The following TCAF1 variants were observed in gnomAD, a reference collection of about 807,000 sequenced individuals.
The protein encoded by TCAF1 is TRPM8 channel associated factor 1, also known as TRPM8 channel-associated factor 1.
A neutral mutation model predicts 27.3 loss-of-function variants in TCAF1; 4 were observed. That is an observed-to-expected ratio of 0.15 (90% confidence interval 0.07 to 0.34). TCAF1 has a LOEUF of 0.34. Among genes scored for constraint, TCAF1 ranks in the 10% least tolerant of loss-of-function variants. The probability of loss-of-function intolerance (pLI) is 1.00; values close to 1 mark genes in which losing one functional copy is unlikely to be tolerated. For synonymous variants in TCAF1, 105 were observed against 167.1 expected (o/e 0.63, Z 2.87); for missense variants, 257 against 425.8 (o/e 0.60, Z 3.49).
chr7:143,859,967 T>TA lies in TCAF1; in HGVS notation c.2167+240_2167+241insT, dbSNP rs1563211696. ...TATAATATATATTACGGAATATATA[T>TA]TATATAATATATATTATATAATATA... On this transcript the variant is annotated intron_variant, in intron 6 of 8. Coordinates refer to ENST00000479870, the MANE Select transcript of TCAF1 (RefSeq NM_014719.3). 4.9e-3 allele frequency among the ~76,000 whole-genome samples: 238 copies of TA among 48,278 alleles called. 37 individuals carry two copies. The highest frequency in any genetic ancestry group is 0.012 in the South Asian group (11 of 924). The allele number at this position is 48,278 out of a possible 152,430, so 31.7% of individuals were successfully genotyped here.
chr7:143,860,017 ATAT>A (rs1811911685), intron 6 of TCAF1, among the ~76,000 whole-genome samples, 188 bp downstream of exon 6: 2 of 62,614 alleles, frequency 3.2e-5, no homozygotes, highest in African/African-American at 1.3e-4. Flanking sequence ...TATATAATAT[ATAT>A]TATATATTAT....
chr7:143,886,624 G>C (rs13228223), intron 1 of TCAF1: 233,280 of 617,304 alleles, frequency 0.38, 43,756 homozygotes, highest in African/African-American at 0.56. Context: ...GAAAATGGAT[G>C]AAATTACACA....
At chr7:143,892,490 CAA>C (rs1253934740) in intron 1 of TCAF1, among the ~76,000 whole-genome samples, 1 of 146,202 alleles carries the variant, frequency 6.8e-6, no homozygotes, top group Non-Finnish European at 1.5e-5. Context: ...AGAAATGGAA[CAA>C]AGAGAAAACT....
chr7:143,896,044 T>C (rs941827912), intron 1 of TCAF1, among the ~76,000 whole-genome samples: 2 of 151,738 alleles, frequency 1.3e-5, no homozygotes, highest in African/African-American at 4.8e-5. Context: ...ACAATAAATA[T>C]ACACAGATTA....
chr7:143,885,456 C>G, intron 1 of TCAF1: 1 of 985,420 alleles, frequency 1.0e-6, no homozygotes, highest in South Asian at 4.7e-5. Context: ...AGAGGCCCGG[C>G]TTTGTGTCAG....
rs1229647547 is a variant in TCAF1 at position 143,859,891 on chromosome 7, T to C, written c.2167+317A>G. Reference sequence around the variant, plus strand: ...CATATACATATATACATATATATAATATATATTATATAATATATATTACGG... The same window carrying C: ...CATATACATATATACATATATATAACATATATTATATAATATATATTACGG... On this transcript the variant is annotated intron_variant, in intron 6 of 8. Coordinates refer to ENST00000479870, the MANE Select transcript of TCAF1 (RefSeq NM_014719.3). 4.0e-4 allele frequency among the ~76,000 whole-genome samples: 33 copies of C among 81,614 alleles called. 2 individuals are homozygous for C. The highest frequency in any genetic ancestry group is 1.4e-3 in the African/African-American group (30 of 21,804). The allele number at this position is 81,614 out of a possible 152,430, so 53.5% of individuals were successfully genotyped here. A position where few individuals can be genotyped will look rare whatever the true frequency, so the allele number is the denominator to read the frequency against.
intron 1 of TCAF1, among the ~76,000 whole-genome samples, chr7:143,880,396 C>T (rs1262404620): frequency 1.3e-5 from 2 of 152,186 alleles, no homozygotes; most frequent in Non-Finnish European, 1.5e-5. Context: ...ACCAGGAATA[C>T]ATAAGTACCT....
rs1049337136 is a variant in TCAF1, at chr7:143,851,582, G to C, written c.*2551C>G. The C allele has an allele frequency of 1.3e-5, 2 of 152,272 alleles. No individual in the cohort carries two copies. The highest frequency in any genetic ancestry group is 6.5e-5 in the Admixed American group (1 of 15,284). The allele number at this position is 152,272 out of a possible 1,614,324, so 9.4% of individuals were successfully genotyped here. ...CTTTCTAACTTTAAATAATATGTTT[G>C]AGCAATAATTTCTTGACTTACTGAC... On this transcript the variant is annotated 3_prime_UTR_variant, in exon 9 of 9. Transcript: ENST00000479870.
intron 1 of TCAF1, among the ~76,000 whole-genome samples, chr7:143,896,787 G>A (rs1813887363): frequency 6.6e-6 from 1 of 151,778 alleles, no homozygotes; most frequent in Admixed American, 6.6e-5. Flanking sequence ...GTCAGATGTA[G>A]CTAAAAAGTA....
intron 2 of TCAF1, 83 bp downstream of exon 2, chr7:143,875,906 T>C (rs935210360): frequency 6.5e-5 from 84 of 1,297,378 alleles, no homozygotes; most frequent in South Asian, 5.7e-4. Context: ...CACTCTTCTG[T>C]TAGCCTTGGA....
intron 1 of TCAF1, chr7:143,882,370 G>A (rs2116812759): frequency 2.0e-6 from 2 of 985,196 alleles, no homozygotes; most frequent in South Asian, 4.7e-5. Context: ...CAAGCCCCGG[G>A]CCTTCTCATC....
rs750842504 is a variant in TCAF1, at chr7:143,876,452, A to G, written c.157T>C (p.Ser53Pro). ...DMGQVLIAAS[S>P]YGRGRLVVVS... is the part of the protein sequence containing the mutation. Reference sequence around the variant, plus strand: ...ACCACCAGGCGGCCACGGCCATAGGAGGAGGCAGCAATGAGGACCTGGCCC... The same window carrying G: ...ACCACCAGGCGGCCACGGCCATAGGGGGAGGCAGCAATGAGGACCTGGCCC... The change falls in exon 2 of 9, where the codon TCC becomes CCC. Residue 53 changes from serine (S) to proline (P), a missense_variant. Around this residue, in one of 2 missense-constraint regions of TCAF1, gnomAD observed 255 missense variants for 260.1 expected, o/e 0.98. Coordinates refer to ENST00000479870, the MANE Select transcript of TCAF1 (RefSeq NM_014719.3). The G allele has an allele frequency of 6.2e-7, 1 of 1,608,710 alleles. No homozygotes were observed. The highest frequency in any genetic ancestry group is 8.5e-7 in the Non-Finnish European group (1 of 1,177,572).
chr7:143,870,293 T>C (rs1319964363), intron 2 of TCAF1, among the ~76,000 whole-genome samples: 2 of 151,884 alleles, frequency 1.3e-5, no homozygotes, highest in African/African-American at 4.8e-5. Context: ...TTTAGATTCT[T>C]AATATGGAAA....
chr7:143,880,567 A>C (rs1417035834), intron 1 of TCAF1, among the ~76,000 whole-genome samples: 3 of 152,234 alleles, frequency 2.0e-5, no homozygotes, highest in African/African-American at 7.2e-5. Context: ...TACAATGAGA[A>C]ACAACACCGA....
At chr7:143,891,123 T>C (rs1225040192) in intron 1 of TCAF1, among the ~76,000 whole-genome samples, 1 of 152,220 alleles carries the variant, frequency 6.6e-6, no homozygotes, top group African/African-American at 2.4e-5. Context: ...CTAAAACTAA[T>C]ATTTGATAGC....
At chr7:143,885,728 TA>T (rs1813369725) in intron 1 of TCAF1, among the ~76,000 whole-genome samples, 1 of 151,950 alleles carries the variant, frequency 6.6e-6, no homozygotes, top group African/African-American at 2.4e-5. Flanking sequence ...TCTAACATAG[TA>T]AAAAACGTTC....
At chr7:143,891,537 G>A (rs1813636089) in intron 1 of TCAF1, among the ~76,000 whole-genome samples, 1 of 152,088 alleles carries the variant, frequency 6.6e-6, no homozygotes. Context: ...GAGAATTGGT[G>A]AAGTATAGCA....
intron 1 of TCAF1, chr7:143,885,010 C>T: frequency 1.0e-6 from 1 of 985,370 alleles, no homozygotes; most frequent in Non-Finnish European, 1.2e-6. Context: ...GACCCAAAAC[C>T]CAAGGGGGTC....
intron 1 of TCAF1, chr7:143,882,325 G>C (rs1464995564): frequency 1.1e-6 from 1 of 892,226 alleles, no homozygotes; most frequent in Non-Finnish European, 1.3e-6. Context: ...TAGGCCACAA[G>C]TAATGCTCTG....
Sources: gnomAD v4.1 joint callset for allele counts (sites outside exome capture counted in the v4.1 genomes callset) on GRCh38, gnomAD v4.1.1 for gene constraint, gnomAD v4.1.1 regional missense constraint, MANE v1.5 for transcripts, NCBI Gene and HGNC (gene_info 2026-07-23, HGNC 2026-07-21) for gene names.